Variants in LUC7L observed in about 807,000 individuals in gnomAD.
LUC7L encodes the protein putative RNA-binding protein Luc7-like 1.
Under a neutral mutation model 51.1 loss-of-function variants are expected in LUC7L, and 29 were observed. The ratio of observed to expected loss-of-function variants is 0.57; its 90% confidence interval spans 0.42 to 0.77. The LOEUF (loss-of-function observed/expected upper bound fraction) is 0.77. Ranked by LOEUF, LUC7L falls within the 30% of genes least tolerant of loss-of-function variation. LUC7L has a pLI of 0.00. For synonymous variants in LUC7L, 181 were observed against 180.7 expected (o/e 1.00, Z -0.01); for missense variants, 403 against 511.9 (o/e 0.79, Z 2.05).
chr16:204,560 C>T (rs1401289201), intron 5 of LUC7L, among the ~76,000 whole-genome samples: 1 of 150,364 alleles, frequency 6.7e-6, no homozygotes, highest in Non-Finnish European at 1.5e-5. Context: ...CACCACTGCA[C>T]TCCAGCCTGG....
Position 189,074 on chromosome 16 carries a change from C to A in LUC7L, c.*124G>T. 1 of 1,114,204 alleles carries A rather than the reference C, an allele frequency of 9.0e-7. No homozygotes were observed. The highest frequency in any genetic ancestry group is 2.4e-5 in the East Asian group (1 of 42,078). 69.0% of individuals were successfully genotyped at this position (1,114,204 alleles called of 1,614,324 possible). On this transcript the variant is annotated 3_prime_UTR_variant, in exon 10 of 10. Transcript: ENST00000293872. ...AACTCTGTACACTTCTAGAAACTCA[C>A]AGCTAGCTCCAAAACAATAGAAATT... is the stretch of plus-strand genomic sequence containing the variant.
At chr16:226,168 G>A (rs1003560698) in intron 2 of LUC7L, among the ~76,000 whole-genome samples, 5 of 152,208 alleles carry the variant, frequency 3.3e-5, no homozygotes, top group African/African-American at 1.2e-4. Flanking sequence ...TTTCGCATTT[G>A]CTGTCAGAAA....
At chr16:211,709 G>A (rs887505945) in intron 3 of LUC7L, among the ~76,000 whole-genome samples, 9 of 152,158 alleles carry the variant, frequency 5.9e-5, no homozygotes, top group African/African-American at 1.2e-4. Context: ...TCTGAGTAGC[G>A]TTATGAAACA....
chr16:204,559 A>G (rs2142068430), intron 5 of LUC7L, among the ~76,000 whole-genome samples: 1 of 151,604 alleles, frequency 6.6e-6, no homozygotes, highest in African/African-American at 2.4e-5. Context: ...GCACCACTGC[A>G]CTCCAGCCTG....
intron 5 of LUC7L, among the ~76,000 whole-genome samples, chr16:199,852 T>C (rs1399328952): frequency 6.8e-6 from 1 of 147,584 alleles, no homozygotes; most frequent in Non-Finnish European, 1.5e-5. Flanking sequence ...CAGCTGGGTG[T>C]GGTGGCACAT....
Position 208,094 on chromosome 16 carries a change from G to T in LUC7L, c.350C>A (p.Ala117Glu). The change falls in exon 4 of 10, where the codon GCG (alanine) becomes GAG (glutamate). Residue 117 changes from alanine to glutamate, a missense_variant. This residue lies in a region of LUC7L where 182 missense variants were observed against 248.4 expected (regional missense o/e 0.73). Transcript: ENST00000293872. Reference sequence around the variant, plus strand: ...CAAGCATACCTTTGCAGAAACTTCCGCACTGATTTCCTCCTGTGTTTCTGC... The same window carrying T: ...CAAGCATACCTTTGCAGAAACTTCCTCACTGATTTCCTCCTGTGTTTCTGC... ...RLAETQEEIS[A>E]EVSAKAEKVH... The T allele has an allele frequency of 6.2e-7, 1 of 1,612,696 alleles. No individual in the cohort carries two copies. Among genetic ancestry groups the T allele is most frequent in the Non-Finnish European group, 8.5e-7 (1 of 1,179,422 alleles).
intron 1 of LUC7L, 115 bp downstream of exon 1, chr16:229,164 A>G (rs2050208949): frequency 6.9e-7 from 1 of 1,448,064 alleles, no homozygotes; most frequent in Non-Finnish European, 9.0e-7. Context: ...GGGGAGGAGG[A>G]GCGATGCCCC....
intron 5 of LUC7L, among the ~76,000 whole-genome samples, chr16:204,484 C>T (rs905183788): frequency 2.0e-5 from 3 of 151,722 alleles, no homozygotes; most frequent in Admixed American, 1.3e-4. Flanking sequence ...GTCTCAGCTA[C>T]TCTGGAGGCT....
intron 5 of LUC7L, among the ~76,000 whole-genome samples, chr16:205,223 G>C (rs535770809): frequency 6.6e-6 from 1 of 152,260 alleles, no homozygotes; most frequent in Admixed American, 6.5e-5. Context: ...ATGTTATCCA[G>C]GCTGGACTCC....
intron 2 of LUC7L, among the ~76,000 whole-genome samples, chr16:222,252 G>A (rs571211542): frequency 1.3e-5 from 2 of 149,726 alleles, no homozygotes; most frequent in Non-Finnish European, 2.9e-5. Flanking sequence ...TCAAGTTATA[G>A]AGTGCATGTT....
intron 5 of LUC7L, among the ~76,000 whole-genome samples, chr16:201,111 G>A (rs2049310810): frequency 6.8e-6 from 1 of 147,676 alleles, no homozygotes; most frequent in Non-Finnish European, 1.5e-5. Flanking sequence ...AGAGGATGCA[G>A]TGAGCCGAGA....
chr16:228,285 AG>A, intron 1 of LUC7L: 1 of 1,301,810 alleles, frequency 7.7e-7, no homozygotes, highest in South Asian at 1.2e-5. Context: ...TGTGAAAAAA[AG>A]CAAACACTTT....
At position 189,080 on chromosome 16, in the gene LUC7L, G is replaced by C. The variant is rs759434867; in HGVS notation, c.*118C>G. The stretch of plus-strand genomic sequence containing the variant: ...GTACACTTCTAGAAACTCACAGCTA[G>C]CTCCAAAACAATAGAAATTTTAAAC... On this transcript the variant is annotated 3_prime_UTR_variant, in exon 10 of 10. Coordinates refer to ENST00000293872, the MANE Select transcript of LUC7L (RefSeq NM_201412.3). The C allele has an allele frequency of 4.3e-6, 5 of 1,162,586 alleles. No homozygotes were observed. The highest frequency in any genetic ancestry group is 3.7e-6 in the Non-Finnish European group (3 of 818,374). The allele number at this position is 1,162,586 out of a possible 1,614,324, so 72.0% of individuals were successfully genotyped here. A position where few individuals can be genotyped will look rare whatever the true frequency, so the allele number is the denominator to read the frequency against.
intron 3 of LUC7L, among the ~76,000 whole-genome samples, chr16:216,555 G>A (rs1401720977): frequency 1.3e-5 from 2 of 151,180 alleles, no homozygotes; most frequent in African/African-American, 2.4e-5. Context: ...GCTGATTTTT[G>A]TATTTTCGGT....
intron 5 of LUC7L, among the ~76,000 whole-genome samples, chr16:200,416 G>T (rs1167746028): frequency 1.7e-5 from 2 of 119,132 alleles, no homozygotes; most frequent in East Asian, 2.9e-4. Flanking sequence ...CGTCTCAAAA[G>T]AAAAAAAAAA....
intron 3 of LUC7L, among the ~76,000 whole-genome samples, chr16:212,721 T>C (rs866141099): frequency 6.6e-6 from 1 of 152,166 alleles, no homozygotes; most frequent in Admixed American, 6.5e-5. Flanking sequence ...AATTACACTT[T>C]TGGTGAATTA....
At chr16:221,112 G>A (rs562059094) in intron 2 of LUC7L, among the ~76,000 whole-genome samples, 1 of 151,760 alleles carries the variant, frequency 6.6e-6, no homozygotes, top group Non-Finnish European at 1.5e-5. Flanking sequence ...CTCTGCCTCC[G>A]GGGTTCAGGC....
At chr16:200,690 T>C (rs1020269144) in intron 5 of LUC7L, among the ~76,000 whole-genome samples, 17 of 152,130 alleles carry the variant, frequency 1.1e-4, no homozygotes, top group Non-Finnish European at 2.4e-4. Flanking sequence ...GAGATCACCC[T>C]GAGCAACACA....
Position 222,668 on chromosome 16 carries a change from C to T in LUC7L, c.157-1921G>A, listed in dbSNP as rs371991208. The stretch of plus-strand genomic sequence containing the variant: ...TTTTTTTTTTTTTGAGATGGAGTTT[C>T]GCTCTTGTTGCCCAGACTGTAGTGC... On this transcript the variant is annotated intron_variant, in intron 2 of 9. Coordinates refer to ENST00000293872, the MANE Select transcript of LUC7L (RefSeq NM_201412.3). 1.3e-3 allele frequency among the ~76,000 whole-genome samples: 188 copies of T among 148,426 alleles called. 1 individual carries two copies. Among genetic ancestry groups the T allele is most frequent in the African/African-American group, 4.3e-3 (173 of 40,464 alleles).
Sources: allele counts gnomAD v4.1 joint callset (sites outside exome capture counted in the v4.1 genomes callset), GRCh38; gene constraint gnomAD v4.1.1; regional missense constraint gnomAD v4.1.1; transcripts MANE v1.5; gene names NCBI Gene and HGNC (gene_info 2026-07-23, HGNC 2026-07-21).